KIF13A: variants seen among roughly 807,000 people sequenced by gnomAD.
KIF13A encodes the protein kinesin-like protein KIF13A.
Under a neutral mutation model 212.2 loss-of-function variants are expected in KIF13A, and 79 were observed. The observed-to-expected ratio is 0.37, with a 90% confidence interval of 0.31 to 0.45. The LOEUF (loss-of-function observed/expected upper bound fraction) is 0.45, where lower values mean the gene tolerates loss of function less well. Ranked by LOEUF, KIF13A falls within the 20% of genes least tolerant of loss-of-function variation. The probability of loss-of-function intolerance (pLI) is 1.00; values close to 1 mark genes in which losing one functional copy is unlikely to be tolerated. For missense variants in KIF13A, 1,901 were observed against 2,209.0 expected, an observed-to-expected ratio of 0.86 and a Z score of 2.79; for synonymous variants, 789 against 808.6, an observed-to-expected ratio of 0.98 and a Z score of 0.41.
chr6:17,968,271 C>T lies in KIF13A; in HGVS notation c.146+18783G>A, dbSNP rs1167517138. ...GCAGCCCTGCCACTCACAGGGCTGTCCCAGATTCACAGGCAATGGACTCCA... is the reference window on the plus strand; with the variant it reads ...GCAGCCCTGCCACTCACAGGGCTGTTCCAGATTCACAGGCAATGGACTCCA... On this transcript the variant is annotated intron_variant, in intron 2 of 38. Transcript: ENST00000259711. This position sits in a 1 kb window ranked among gnomAD's most constrained non-coding sequence, Gnocchi z 4.7. Among the ~76,000 whole-genome samples the T allele has an allele frequency of 6.6e-6, 1 of 152,188 alleles. No homozygotes were observed. The highest frequency in any genetic ancestry group is 2.4e-5 in the African/African-American group (1 of 41,440).
intron 2 of KIF13A, among the ~76,000 whole-genome samples, chr6:17,922,806 T>C (rs74695297): frequency 0.065 from 9,803 of 151,382 alleles, 363 homozygotes; most frequent in Middle Eastern, 0.092. Flanking sequence ...TAAAAAAAAA[T>C]AGAGATGGGG....
In KIF13A at chr6:17,919,343, CT is replaced by C. The variant is rs1337406131; in HGVS notation, c.147-21164del. Reference sequence around the variant, plus strand: ...CAGGTAAAGTACTATGTACTTAATGCTGCTAAAATAAGACCATTGAGAGAAT... The same window carrying C: ...CAGGTAAAGTACTATGTACTTAATGCGCTAAAATAAGACCATTGAGAGAAT... On this transcript the variant is annotated intron_variant, in intron 2 of 38. Coordinates refer to ENST00000259711, the MANE Select transcript of KIF13A (RefSeq NM_022113.6). The surrounding 1 kb of genome is among the most constrained non-coding windows in gnomAD (Gnocchi z 4.1). Among the ~76,000 whole-genome samples, 5 of 152,190 alleles carry C rather than the reference CT, an allele frequency of 3.3e-5. No homozygotes were observed. Among genetic ancestry groups the C allele is most frequent in the Non-Finnish European group, 7.3e-5 (5 of 68,036 alleles).
rs535235195 is a variant in KIF13A at position 17,899,146 on chromosome 6, C to T, written c.147-966G>A. ...TTTGGCTAGGAAACAGTTTTCAAGG[C>T]AATAAAATGTCAGTTTGACTTGCTT... On this transcript the variant is annotated intron_variant, in intron 2 of 38. Coordinates refer to ENST00000259711, the MANE Select transcript of KIF13A (RefSeq NM_022113.6). This position sits in a 1 kb window ranked among gnomAD's most constrained non-coding sequence, Gnocchi z 5.2. Among the ~76,000 whole-genome samples the T allele has an allele frequency of 6.6e-6, 1 of 152,248 alleles. No homozygotes were observed. The highest frequency in any genetic ancestry group is 2.1e-4 in the South Asian group (1 of 4,824).
chr6:17,889,730 T>C (rs1171970469), intron 3 of KIF13A, among the ~76,000 whole-genome samples: 1 of 152,180 alleles, frequency 6.6e-6, no homozygotes, highest in African/African-American at 2.4e-5. Context: ...GCTGAGATCA[T>C]CCTGGACTGT....
Position 17,816,968 on chromosome 6 carries a change from G to T in KIF13A, c.2000+52C>A. 1 of 1,483,198 alleles carries T rather than the reference G, an allele frequency of 6.7e-7. No individual in the cohort carries two copies. 91.9% of individuals were successfully genotyped at this position (1,483,198 alleles called of 1,614,324 possible). On this transcript the variant is annotated intron_variant, in intron 17 of 38. Coordinates refer to ENST00000259711, the MANE Select transcript of KIF13A (RefSeq NM_022113.6). The surrounding 1 kb of genome is among the most constrained non-coding windows in gnomAD (Gnocchi z 4.3). ...ATGTCTCAAAAACCCCTCCCTCAAA[G>T]ACCCACGGCCTTGGGGCCTTGACTC...
downstream of KIF13A, chr6:17,760,347 T>A: frequency 6.6e-6 from 1 of 152,574 alleles, no homozygotes; most frequent in East Asian, 1.9e-4. Context: ...CGAAGTCCAG[T>A]ACCTTATGAT....
At chr6:17,852,253 T>C (rs1042044693) in intron 6 of KIF13A, among the ~76,000 whole-genome samples, 2 of 152,218 alleles carry the variant, frequency 1.3e-5, no homozygotes, top group Non-Finnish European at 2.9e-5. Flanking sequence ...ATTTAAAGTA[T>C]GTTACTATTT....
At chr6:17,884,633 C>T (rs559260828) in intron 3 of KIF13A, among the ~76,000 whole-genome samples, 2 of 152,202 alleles carry the variant, frequency 1.3e-5, no homozygotes, top group Non-Finnish European at 2.9e-5. Context: ...TACTTCCTAG[C>T]GCCCAAATCT....
chr6:17,946,313 C>A (rs1213151687), intron 2 of KIF13A, among the ~76,000 whole-genome samples: 1 of 151,980 alleles, frequency 6.6e-6, no homozygotes, highest in Non-Finnish European at 1.5e-5. Flanking sequence ...AAAATCAGAA[C>A]TTCTAATAAT....
chr6:17,804,348 G>A lies in KIF13A; in HGVS notation c.2454+13C>T. On this transcript the variant is annotated intron_variant, in intron 20 of 38. Coordinates refer to ENST00000259711, the MANE Select transcript of KIF13A (RefSeq NM_022113.6). ...TGAACCACCATCGTTCTCCAAGGCT[G>A]GCCTGTGCTTACCTCCCCCTGCTGG... is the stretch of plus-strand genomic sequence containing the variant. 1 of 1,518,798 alleles carries A rather than the reference G, an allele frequency of 6.6e-7. No individual in the cohort carries two copies. The highest frequency in any genetic ancestry group is 2.5e-5 in the East Asian group (1 of 40,188). 94.1% of individuals were successfully genotyped at this position (1,518,798 alleles called of 1,614,324 possible).
intron 2 of KIF13A, among the ~76,000 whole-genome samples, chr6:17,939,526 G>A (rs1023454225): frequency 6.6e-6 from 1 of 152,172 alleles, no homozygotes; most frequent in African/African-American, 2.4e-5. Context: ...CAAGGGCTGG[G>A]TAAAATAAGG....
intron 2 of KIF13A, among the ~76,000 whole-genome samples, chr6:17,945,397 G>T (rs977983698): frequency 6.6e-6 from 1 of 152,044 alleles, no homozygotes; most frequent in African/African-American, 2.4e-5. Context: ...TGTTTCTAGG[G>T]AGCTGCTAAT....
At chr6:17,958,421 T>A (rs1778535322) in intron 2 of KIF13A, among the ~76,000 whole-genome samples, 1 of 152,248 alleles carries the variant, frequency 6.6e-6, no homozygotes, top group South Asian at 2.1e-4. Context: ...TGACTATATC[T>A]AGTTAGATAC....
At chr6:17,932,898 T>G (rs1054956754) in intron 2 of KIF13A, among the ~76,000 whole-genome samples, 1 of 152,092 alleles carries the variant, frequency 6.6e-6, no homozygotes, top group Non-Finnish European at 1.5e-5. Flanking sequence ...AATACATCCC[T>G]TTCCAAATCT....
rs1476566426 is a variant in KIF13A at position 17,967,505 on chromosome 6, GA to G, written c.146+19548del. ...TCTTATGCTCAATCACTCAAGGATG[GA>G]AAACTAAACTTCTCTAGGGCAGAGA... On this transcript the variant is annotated intron_variant, in intron 2 of 38. Coordinates refer to ENST00000259711, the MANE Select transcript of KIF13A (RefSeq NM_022113.6). The surrounding 1 kb of genome is among the most constrained non-coding windows in gnomAD (Gnocchi z 4.1). Among the ~76,000 whole-genome samples the G allele has an allele frequency of 6.6e-6, 1 of 152,128 alleles. No individual in the cohort carries two copies. Among genetic ancestry groups the G allele is most frequent in the Non-Finnish European group, 1.5e-5 (1 of 68,020 alleles).
At position 17,926,486 on chromosome 6, in the gene KIF13A, C is replaced by T. The variant is rs1775511816; in HGVS notation, c.147-28306G>A. 6.6e-6 allele frequency among the ~76,000 whole-genome samples: 1 copy of T among 152,290 alleles called. No individual in the cohort carries two copies. The highest frequency in any genetic ancestry group is 2.1e-4 in the South Asian group (1 of 4,826). Reference sequence around the variant, plus strand: ...GCCTCAAGTGATCTGCCTGCCTCGGCCTCCCAAAGTGCTGGTATTACAGGT... The same window carrying T: ...GCCTCAAGTGATCTGCCTGCCTCGGTCTCCCAAAGTGCTGGTATTACAGGT... On this transcript the variant is annotated intron_variant, in intron 2 of 38. Transcript: ENST00000259711. The surrounding 1 kb of genome is among the most constrained non-coding windows in gnomAD (Gnocchi z 4.3).
At chr6:17,862,879 T>C (rs1581563837) in intron 4 of KIF13A, among the ~76,000 whole-genome samples, 1 of 151,586 alleles carries the variant, frequency 6.6e-6, no homozygotes, top group Non-Finnish European at 1.5e-5. Flanking sequence ...ACCCGGGAGG[T>C]GGATGTCGCA....
In KIF13A at chr6:17,809,854, C is replaced by A. The variant is rs1207493801; in HGVS notation, c.2001-924G>T. Among the ~76,000 whole-genome samples the A allele has an allele frequency of 6.6e-6, 1 of 152,210 alleles. No individual in the cohort carries two copies. The highest frequency in any genetic ancestry group is 1.5e-5 in the Non-Finnish European group (1 of 68,036). Reference sequence around the variant, plus strand: ...TAATGAACTCAAAGCACCTAAATCTCTACTCCTCACTCGTCACCTTAGAAA... The same window carrying A: ...TAATGAACTCAAAGCACCTAAATCTATACTCCTCACTCGTCACCTTAGAAA... On this transcript the variant is annotated intron_variant, in intron 17 of 38. Coordinates refer to ENST00000259711, the MANE Select transcript of KIF13A (RefSeq NM_022113.6). This position sits in a 1 kb window ranked among gnomAD's most constrained non-coding sequence, Gnocchi z 4.7.
intron 20 of KIF13A, among the ~76,000 whole-genome samples, chr6:17,803,426 T>C (rs1464497086): frequency 2.6e-5 from 4 of 152,084 alleles, no homozygotes; most frequent in African/African-American, 7.2e-5. Flanking sequence ...ACCCCACAAC[T>C]GGGAACCCGG....
Sources: allele counts gnomAD v4.1 joint callset (sites outside exome capture counted in the v4.1 genomes callset), GRCh38; gene constraint gnomAD v4.1.1; non-coding constraint Gnocchi (gnomAD v3.1); transcripts MANE v1.5; gene names NCBI Gene and HGNC (gene_info 2026-07-23, HGNC 2026-07-21).